Variants in CEP85L observed in about 807,000 individuals in gnomAD.
The protein encoded by CEP85L is centrosomal protein 85L.
A neutral mutation model predicts 100.3 loss-of-function variants in CEP85L; 60 were observed. That is an observed-to-expected ratio of 0.60 (90% CI 0.49 to 0.74). CEP85L has a LOEUF of 0.74. CEP85L is among the 30% of genes least tolerant of loss of function. CEP85L has a pLI of 0.00. For synonymous variants in CEP85L, 319 were observed against 322.7 expected (o/e 0.99, Z 0.12); for missense variants, 973 against 936.2 (o/e 1.04, Z -0.51).
At chr6:118,547,840 T>C (rs751093245) in intron 3 of CEP85L, among the ~76,000 whole-genome samples, 2 of 152,130 alleles carry the variant, frequency 1.3e-5, no homozygotes, top group Non-Finnish European at 2.9e-5. Flanking sequence ...AATTTTATTG[T>C]GTAAAAATAT....
intron 5 of CEP85L, among the ~76,000 whole-genome samples, chr6:118,504,621 AG>A (rs1471502942): frequency 6.6e-6 from 1 of 152,164 alleles, no homozygotes; most frequent in Non-Finnish European, 1.5e-5. Flanking sequence ...GTTAAGTGTA[AG>A]TAAAAAGCTT....
chr6:118,672,217 T>A lies in CEP85L; in HGVS notation c.-27-19409A>T, dbSNP rs186968507. ...AGGCCTAGCTAATTTTCATATTTTT[T>A]AGTAGAGATGGGGTTTTGCCACGTT... On this transcript the variant is annotated intron_variant, in intron 1 of 13. Transcript: ENST00000368488. Among the ~76,000 whole-genome samples the A allele has an allele frequency of 8.6e-4, 131 of 152,134 alleles. 1 individual carries two copies. The highest frequency in any genetic ancestry group is 6.8e-3 in the Middle Eastern group (2 of 294).
At chr6:118,489,984 T>C (rs973174856) in intron 6 of CEP85L, among the ~76,000 whole-genome samples, 17 of 150,716 alleles carry the variant, frequency 1.1e-4, no homozygotes, top group African/African-American at 2.2e-4. Flanking sequence ...TGTATATATA[T>C]ACACACACAC....
chr6:118,542,230 C>T (rs947167790), intron 3 of CEP85L, among the ~76,000 whole-genome samples: 2 of 152,014 alleles, frequency 1.3e-5, no homozygotes, highest in Non-Finnish European at 2.9e-5. Flanking sequence ...AAACAGCACA[C>T]AAAAATGCCC....
Position 118,461,868 on chromosome 6 carries a change from CTACG to C in CEP85L, c.*3533_*3536del, listed in dbSNP as rs1209685223. ...TTACATATCTACAATGATATAATTC[CTACG>C]TAAGAGAATGCCAATAATCCAAACT... On this transcript the variant is annotated 3_prime_UTR_variant, in exon 13 of 13. Coordinates refer to ENST00000368491, the MANE Select transcript of CEP85L (RefSeq NM_001042475.3). 6.6e-6 allele frequency: 1 copy of C among 151,928 alleles called. No homozygotes were observed. Among genetic ancestry groups the C allele is most frequent in the Non-Finnish European group, 1.5e-5 (1 of 67,888 alleles). The allele number at this position is 151,928 out of a possible 1,614,324, so 9.4% of individuals were successfully genotyped here.
chr6:118,662,129 G>A (rs1775992889), intron 1 of CEP85L, among the ~76,000 whole-genome samples: 1 of 152,196 alleles, frequency 6.6e-6, no homozygotes, highest in South Asian at 2.1e-4. Flanking sequence ...TAATTCACAA[G>A]AAAAACCAGA....
chr6:118,512,228 C>T (rs1776011913), intron 4 of CEP85L, among the ~76,000 whole-genome samples: 1 of 152,236 alleles, frequency 6.6e-6, no homozygotes, highest in South Asian at 2.1e-4. Context: ...GAATTGAAGA[C>T]ACAAAGCTGA....
intron 1 of CEP85L, among the ~76,000 whole-genome samples, chr6:118,706,096 GCTCT>G (rs1353708692): frequency 6.6e-6 from 1 of 152,160 alleles, no homozygotes; most frequent in African/African-American, 2.4e-5. Flanking sequence ...AGTGCTCTGT[GCTCT>G]CTGTCAGGGA....
chr6:118,558,700 A>C, intron 3 of CEP85L: 3 of 553,436 alleles, frequency 5.4e-6, no homozygotes, highest in Admixed American at 2.9e-5. Flanking sequence ...GAGAGAGACT[A>C]TAGAAACATG....
At chr6:118,472,820 C>T (rs1773067987) in intron 10 of CEP85L, among the ~76,000 whole-genome samples, 1 of 152,124 alleles carries the variant, frequency 6.6e-6, no homozygotes, top group South Asian at 2.1e-4. Flanking sequence ...CTCAAATTCT[C>T]AGTTTAATCA....
intron 4 of CEP85L, among the ~76,000 whole-genome samples, chr6:118,515,652 C>G (rs1387962251): frequency 6.6e-6 from 1 of 151,842 alleles, no homozygotes; most frequent in Admixed American, 6.6e-5. Context: ...ACTTTAGGGT[C>G]AAAGAAGAAA....
chr6:118,537,460 C>T, intron 3 of CEP85L: 4 of 953,820 alleles, frequency 4.2e-6, no homozygotes, highest in Non-Finnish European at 5.0e-6. Context: ...TGTTCTCTAC[C>T]CTAATGTAGG....
chr6:118,542,425 A>G (rs1777946930), intron 3 of CEP85L, among the ~76,000 whole-genome samples: 1 of 152,148 alleles, frequency 6.6e-6, no homozygotes, highest in Admixed American at 6.6e-5. Context: ...TTCTTGTGAA[A>G]TTTACATGTT....
intron 2 of CEP85L, among the ~76,000 whole-genome samples, chr6:118,613,822 A>T (rs1772828311): frequency 6.6e-6 from 1 of 151,890 alleles, no homozygotes; most frequent in Non-Finnish European, 1.5e-5. Flanking sequence ...TGTATAAAAA[A>T]GAATCAGCAC....
At chr6:118,679,383 G>A (rs893150083) in intron 1 of CEP85L, among the ~76,000 whole-genome samples, 1 of 152,156 alleles carries the variant, frequency 6.6e-6, no homozygotes, top group African/African-American at 2.4e-5. Context: ...GAAGTAATGT[G>A]CAGAATGAAC....
chr6:118,559,182 A>G, intron 3 of CEP85L: 1 of 865,314 alleles, frequency 1.2e-6, no homozygotes, highest in Non-Finnish European at 2.0e-6. Context: ...CCACTTCCTG[A>G]GTAGAAGAGT....
intron 3 of CEP85L, among the ~76,000 whole-genome samples, chr6:118,527,002 C>CTTTTT (rs764883723): frequency 9.5e-4 from 94 of 98,708 alleles, no homozygotes; most frequent in East Asian, 9.8e-4. Flanking sequence ...TTTACTTTTT[C>CTTTTT]TTTTTTTTTT....
At chr6:118,610,061 T>TA (rs11374652) in intron 2 of CEP85L, among the ~76,000 whole-genome samples, 32,803 of 152,096 alleles carry the variant, frequency 0.22, 4,646 homozygotes, top group East Asian at 0.61. Flanking sequence ...GATAATGATG[T>TA]AAACTGTGCT....
chr6:118,675,727 C>G (rs928063824), intron 1 of CEP85L, among the ~76,000 whole-genome samples: 1 of 151,776 alleles, frequency 6.6e-6, no homozygotes, highest in Non-Finnish European at 1.5e-5. Context: ...CATAGCGAGA[C>G]CCCAAGGCAA....
Sources: gnomAD v4.1 joint callset for allele counts (sites outside exome capture counted in the v4.1 genomes callset) on GRCh38, gnomAD v4.1.1 for gene constraint, MANE v1.5 for transcripts, NCBI Gene and HGNC (gene_info 2026-07-23, HGNC 2026-07-21) for gene names.